Variants in CPT1A observed in about 807,000 individuals in gnomAD.
CPT1A encodes carnitine O-palmitoyltransferase 1, liver isoform.
In CPT1A, 64 loss-of-function variants were observed where a neutral mutation model predicts 100.8. The ratio of observed to expected loss-of-function variants is 0.63; its 90% CI spans 0.52 to 0.78. CPT1A has a LOEUF of 0.78. CPT1A is among the 30% of genes least tolerant of loss of function. The pLI is 0.00. For missense variants in CPT1A, 802 were observed against 1,034.1 expected (o/e 0.78, Z 3.08); for synonymous variants, 363 against 396.0 (o/e 0.92, Z 0.99).
chr11:68,817,183 G>GGTGTGTGTGC (rs1856451890), intron 1 of CPT1A, among the ~76,000 whole-genome samples: 1 of 147,234 alleles, frequency 6.8e-6, no homozygotes, highest in South Asian at 2.2e-4. Flanking sequence ...TGTGTGTGTG[G>GGTGTGTGTGC]GTGTGTGTGC....
chr11:68,837,660 A>G (rs114287421), intron 1 of CPT1A, among the ~76,000 whole-genome samples: 1,573 of 152,194 alleles, frequency 0.01, 30 homozygotes, highest in African/African-American at 0.036. Flanking sequence ...TCAGGCGGTT[A>G]TGGCAATCCA....
At chr11:68,828,825 C>T (rs933852240) in intron 1 of CPT1A, among the ~76,000 whole-genome samples, 4 of 152,168 alleles carry the variant, frequency 2.6e-5, no homozygotes, top group African/African-American at 9.7e-5. Flanking sequence ...TGTGGGCCAG[C>T]CCCACTTCCC....
chr11:68,817,156 T>TGTGTGTGTGTGTG (rs1491014694), intron 1 of CPT1A, among the ~76,000 whole-genome samples: 15 of 112,988 alleles, frequency 1.3e-4, no homozygotes, highest in Admixed American at 1.1e-3. Flanking sequence ...TGTGTGTCTG[T>TGTGTGTGTGTGTG]GTGTGTGTGT....
rs748645327 is a variant in CPT1A, at chr11:68,794,846, G to GA, written c.836dup (p.Leu280ProfsTer34). ...GGTCCAGTTTGCGCCTGTAAAGCAG[G>GA]ATGGCATGGATGGCGTTGCCGGCTC... On this transcript the variant is annotated frameshift_variant, in exon 8 of 19. Transcript: ENST00000265641. LOFTEE classifies it high-confidence loss of function. The GA allele has an allele frequency of 6.2e-7, 1 of 1,614,236 alleles. No individual in the cohort carries two copies. Among genetic ancestry groups the GA allele is most frequent in the East Asian group, 2.2e-5 (1 of 44,890 alleles).
intron 13 of CPT1A, 120 bp from the exon 14 acceptor site, chr11:68,773,549 C>T: frequency 6.5e-7 from 1 of 1,539,418 alleles, no homozygotes; most frequent in Non-Finnish European, 8.7e-7. Flanking sequence ...GGGAAGTACA[C>T]AAACGTTTTC....
chr11:68,757,967 C>CCAA (rs1339417054), intron 18 of CPT1A, among the ~76,000 whole-genome samples: 1 of 152,158 alleles, frequency 6.6e-6, no homozygotes, highest in Non-Finnish European at 1.5e-5. Flanking sequence ...TCCCCTAATG[C>CCAA]CAATGCGTTT....
At chr11:68,768,041 T>C (rs951399291) in intron 14 of CPT1A, among the ~76,000 whole-genome samples, 3 of 148,672 alleles carry the variant, frequency 2.0e-5, no homozygotes, top group Admixed American at 6.7e-5. Flanking sequence ...TTGAGACCTG[T>C]CTCAGACACT....
In CPT1A at chr11:68,790,617, G is replaced by A. The variant is rs531544680; in HGVS notation, c.967+2698C>T. Among the ~76,000 whole-genome samples, 10 of 152,214 alleles carry A rather than the reference G, an allele frequency of 6.6e-5. No individual in the cohort carries two copies. The South Asian group carries it at 1.2e-3, about 19-fold the overall frequency. On this transcript the variant is annotated intron_variant, in intron 9 of 18. Transcript: ENST00000265641. Reference sequence around the variant, plus strand: ...GAGCCTTTGAAAAGAGCACGGCCCTGCTGACACCTTGATCTCGGACTCTGG... The same window carrying A: ...GAGCCTTTGAAAAGAGCACGGCCCTACTGACACCTTGATCTCGGACTCTGG...
At chr11:68,792,376 C>T (rs1190769279) in intron 9 of CPT1A, among the ~76,000 whole-genome samples, 3 of 152,104 alleles carry the variant, frequency 2.0e-5, no homozygotes, top group Non-Finnish European at 4.4e-5. Context: ...CAGCTCTGGC[C>T]CTTTCCAGCC....
chr11:68,766,779 C>T (rs1454444943), intron 14 of CPT1A, among the ~76,000 whole-genome samples: 8 of 150,624 alleles, frequency 5.3e-5, no homozygotes, highest in African/African-American at 2.0e-4. Flanking sequence ...TCAACTACCA[C>T]GCCCGGCACT....
At chr11:68,842,210 G>T (rs1374331377), upstream of CPT1A, among the ~76,000 whole-genome samples, 1 of 152,150 alleles carries the variant, frequency 6.6e-6, no homozygotes, top group Non-Finnish European at 1.5e-5. Context: ...TATCGGCATT[G>T]CCCCGTGTAA....
chr11:68,781,993 C>G, intron 10 of CPT1A, 34 bp from the exon 11 acceptor site: 2 of 1,588,228 alleles, frequency 1.3e-6, no homozygotes, highest in Non-Finnish European at 1.7e-6. Context: ...TAAAGGCAGC[C>G]CGACCTGCAG....
At chr11:68,840,241 T>C (rs1471235024) in intron 1 of CPT1A, among the ~76,000 whole-genome samples, 1 of 152,196 alleles carries the variant, frequency 6.6e-6, no homozygotes, top group Non-Finnish European at 1.5e-5. Flanking sequence ...ATGTCCTCAA[T>C]TTATTGCTAC....
In CPT1A at chr11:68,836,377, TGAA is replaced by T. The variant is rs748236918; in HGVS notation, c.-14+5395_-14+5397del. ...CTGTGGTCCTAGCTATGTAAGAGGC[TGAA>T]GAAGGAGGATCCCTTGAGCCCAAAT... is the stretch of plus-strand genomic sequence containing the variant. On this transcript the variant is annotated intron_variant, in intron 1 of 18. Coordinates refer to ENST00000265641, the MANE Select transcript of CPT1A (RefSeq NM_001876.4). Among the ~76,000 whole-genome samples the T allele has an allele frequency of 6.6e-5, 10 of 151,856 alleles. No individual in the cohort carries two copies. In the East Asian group the frequency reaches 1.8e-3, roughly 27 times the overall value.
intron 1 of CPT1A, among the ~76,000 whole-genome samples, chr11:68,835,875 G>A (rs770180447): frequency 2.0e-5 from 3 of 152,178 alleles, no homozygotes; most frequent in Non-Finnish European, 2.9e-5. Flanking sequence ...AAAGTATGCA[G>A]GATGCCCTTA....
intron 5 of CPT1A, among the ~76,000 whole-genome samples, 191 bp downstream of exon 5, chr11:68,803,809 A>T (rs953546282): frequency 6.6e-6 from 1 of 151,628 alleles, no homozygotes; most frequent in Non-Finnish European, 1.5e-5. Context: ...GACACTTTTT[A>T]AAAAACACCT....
chr11:68,799,561 C>G (rs1193417501), intron 5 of CPT1A, among the ~76,000 whole-genome samples: 1 of 151,972 alleles, frequency 6.6e-6, no homozygotes, highest in Admixed American at 6.6e-5. Flanking sequence ...CCAGCCTAAA[C>G]AACATGGTGA....
At chr11:68,838,579 A>AAAAC (rs1040580654) in intron 1 of CPT1A, among the ~76,000 whole-genome samples, 1 of 144,364 alleles carries the variant, frequency 6.9e-6, no homozygotes, top group African/African-American at 2.6e-5. Context: ...TTTTAAAAAA[A>AAAAC]AAAAAAAAAA....
chr11:68,809,190 A>G (rs2154000950), intron 3 of CPT1A, among the ~76,000 whole-genome samples: 1 of 151,792 alleles, frequency 6.6e-6, no homozygotes, highest in East Asian at 1.9e-4. Flanking sequence ...AAACCTATAC[A>G]CTCTTTTCTG....
Sources: gnomAD v4.1 joint callset for allele counts (sites outside exome capture counted in the v4.1 genomes callset) on GRCh38, gnomAD v4.1.1 for gene constraint, MANE v1.5 for transcripts, NCBI Gene and HGNC (gene_info 2026-07-23, HGNC 2026-07-21) for gene names.